Variants in EDARADD observed in about 807,000 individuals in gnomAD.
EDARADD encodes the protein EDAR associated via death domain.
In EDARADD, 20 loss-of-function variants were observed where a neutral mutation model predicts 25.6. That is an observed-to-expected ratio of 0.78 (90% CI 0.55 to 1.14). The LOEUF (loss-of-function observed/expected upper bound fraction) is 1.14, where lower values mean the gene tolerates loss of function less well. EDARADD is among the 50% of genes most tolerant of loss of function. The pLI is 0.00. For synonymous variants in EDARADD, 86 were observed against 94.4 expected, an observed-to-expected ratio of 0.91 and a Z score of 0.52; for missense variants, 225 against 270.1, an observed-to-expected ratio of 0.83 and a Z score of 1.17.
At chr1:236,376,236 A>G (rs1261959459) in intron 3 of EDARADD, among the ~76,000 whole-genome samples, 2 of 152,104 alleles carry the variant, frequency 1.3e-5, no homozygotes, top group Non-Finnish European at 2.9e-5. Context: ...TGCCCGGCCT[A>G]CTTTCACTTT....
At chr1:236,367,096 A>AG (rs1667119513) in intron 3 of EDARADD, among the ~76,000 whole-genome samples, 1 of 149,332 alleles carries the variant, frequency 6.7e-6, no homozygotes, top group East Asian at 2.0e-4. Context: ...AAAAAAAAAA[A>AG]AAAAAAAGTA....
chr1:236,401,014 A>G (rs563836599), intron 1 of EDARADD, among the ~76,000 whole-genome samples: 13 of 152,162 alleles, frequency 8.5e-5, no homozygotes, highest in Admixed American at 6.5e-4. Flanking sequence ...GCTGGCCAAC[A>G]TGGCGAAACC....
intron 5 of EDARADD, 45 bp downstream of exon 5, chr1:236,468,321 G>A (rs1659272433): frequency 1.3e-6 from 2 of 1,597,198 alleles, no homozygotes; most frequent in East Asian, 2.2e-5. Context: ...AGCTAGTGTG[G>A]CTGAATAAAA....
chr1:236,422,815 G>T (rs555778773), intron 3 of EDARADD, among the ~76,000 whole-genome samples: 2 of 152,282 alleles, frequency 1.3e-5, no homozygotes, highest in African/African-American at 4.8e-5. Flanking sequence ...CCCGGGTTTA[G>T]CTCCATCCTG....
chr1:236,358,795 G>A (rs570018340), intron 3 of EDARADD, among the ~76,000 whole-genome samples: 3 of 152,226 alleles, frequency 2.0e-5, no homozygotes, highest in South Asian at 2.1e-4. Context: ...TTCCAATTAT[G>A]TGATCAATTT....
At chr1:236,363,006 A>AAAAAAAAAAAAAAAAATATAT (rs1377112051) in intron 3 of EDARADD, among the ~76,000 whole-genome samples, 1 of 42,950 alleles carries the variant, frequency 2.3e-5, no homozygotes, top group African/African-American at 1.1e-4. Context: ...AAAAAAAAAA[A>AAAAAAAAAAAAAAAAATATAT]ATATATATAT....
intron 3 of EDARADD, among the ~76,000 whole-genome samples, chr1:236,354,313 A>C (rs949937549): frequency 6.6e-6 from 1 of 152,152 alleles, no homozygotes; most frequent in Non-Finnish European, 1.5e-5. Flanking sequence ...GGAAAAGGCT[A>C]GAATATAGAA....
At chr1:236,428,066 CAGATAAACAAGTGAACAA>C (rs1270311414) in intron 4 of EDARADD, among the ~76,000 whole-genome samples, 1 of 151,798 alleles carries the variant, frequency 6.6e-6, no homozygotes, top group Admixed American at 6.6e-5. Flanking sequence ...GGAAGGTCAG[CAGATAAACAAGTGAACAA>C]AGGTCTCTGG....
intron 3 of EDARADD, among the ~76,000 whole-genome samples, chr1:236,420,079 G>A (rs1243525902): frequency 6.6e-6 from 1 of 152,180 alleles, no homozygotes; most frequent in Non-Finnish European, 1.5e-5. Context: ...CCAGATACTG[G>A]AGTGGCTGAG....
chr1:236,472,532 T>C (rs1216705572), intron 5 of EDARADD, among the ~76,000 whole-genome samples: 1 of 152,150 alleles, frequency 6.6e-6, no homozygotes, highest in Non-Finnish European at 1.5e-5. Context: ...TTTAAAAGAC[T>C]GTTTGCTTGT....
chr1:236,432,908 G>C (rs1271983826), intron 4 of EDARADD, among the ~76,000 whole-genome samples: 4 of 149,650 alleles, frequency 2.7e-5, no homozygotes, highest in South Asian at 2.1e-4. Flanking sequence ...CTCCAGCATG[G>C]ATGACAGAGC....
intron 3 of EDARADD, among the ~76,000 whole-genome samples, chr1:236,370,273 C>T (rs917017488): frequency 6.6e-6 from 1 of 152,014 alleles, no homozygotes; most frequent in Non-Finnish European, 1.5e-5. Flanking sequence ...TACAAAAAAT[C>T]AGCCAGGTTT....
At chr1:236,404,098 G>A (rs1024554982) in intron 1 of EDARADD, among the ~76,000 whole-genome samples, 3 of 152,158 alleles carry the variant, frequency 2.0e-5, no homozygotes, top group South Asian at 2.1e-4. Context: ...CCTTGTCTCC[G>A]ATGGGCTCAC....
chr1:236,393,010 C>A (rs1667445539), upstream of EDARADD, among the ~76,000 whole-genome samples: 1 of 152,152 alleles, frequency 6.6e-6, no homozygotes. Flanking sequence ...GTCTTGAACT[C>A]CTTGCCTCAA....
At chr1:236,394,826 T>C (rs928171031) in intron 1 of EDARADD, among the ~76,000 whole-genome samples, 3 of 152,228 alleles carry the variant, frequency 2.0e-5, no homozygotes, top group African/African-American at 7.2e-5. Flanking sequence ...GTAATGGGTA[T>C]AAAACCCCAC....
At chr1:236,481,910 G>A (rs962872389) in intron 5 of EDARADD, among the ~76,000 whole-genome samples, 3 of 151,762 alleles carry the variant, frequency 2.0e-5, no homozygotes, top group African/African-American at 2.4e-5. Context: ...TCAGGAGATC[G>A]AGACCATCCT....
intron 3 of EDARADD, among the ~76,000 whole-genome samples, chr1:236,380,797 C>T (rs1667287710): frequency 6.6e-6 from 1 of 152,148 alleles, no homozygotes; most frequent in African/African-American, 2.4e-5. Flanking sequence ...CATCATAGTG[C>T]ACTGCAGCCT....
At chr1:236,448,014 T>G (rs1658612830) in intron 4 of EDARADD, among the ~76,000 whole-genome samples, 1 of 152,166 alleles carries the variant, frequency 6.6e-6, no homozygotes, top group African/African-American at 2.4e-5. Context: ...TTTGTACTTT[T>G]AGTAGAGACG....
intron 5 of EDARADD, among the ~76,000 whole-genome samples, chr1:236,476,105 T>A (rs1418207403): frequency 6.6e-6 from 1 of 152,050 alleles, no homozygotes; most frequent in Non-Finnish European, 1.5e-5. Context: ...AGCAGGAGAA[T>A]CGCTGGAACC....
Sources: allele counts gnomAD v4.1 joint callset (sites outside exome capture counted in the v4.1 genomes callset), GRCh38; gene constraint gnomAD v4.1.1; transcripts MANE v1.5; gene names NCBI Gene and HGNC (gene_info 2026-07-23, HGNC 2026-07-21).